FHIT: variants seen among roughly 807,000 people sequenced by gnomAD.
FHIT encodes bis(5'-adenosyl)-triphosphatase.
In FHIT, 19 loss-of-function variants were observed where a neutral mutation model predicts 17.9. The observed-to-expected ratio is 1.06, with a 90% CI of 0.74 to 1.56. FHIT has a LOEUF of 1.56. Among genes scored for constraint, FHIT ranks in the 40% most tolerant of loss-of-function variants. FHIT has a pLI of 0.00. For synonymous variants in FHIT, 81 were observed against 69.7 expected, an observed-to-expected ratio of 1.16 and a Z score of -0.81; for missense variants, 248 against 189.2, an observed-to-expected ratio of 1.31 and a Z score of -1.82.
chr3:60,248,389 T>G (rs547840162), intron 5 of FHIT, among the ~76,000 whole-genome samples: 1 of 152,200 alleles, frequency 6.6e-6, no homozygotes, highest in African/African-American at 2.4e-5. Context: ...GCTAGAGGAA[T>G]GCTAGCCTGC....
chr3:60,890,351 A>G (rs1319737167), intron 3 of FHIT, among the ~76,000 whole-genome samples: 15 of 152,150 alleles, frequency 9.9e-5, no homozygotes, highest in African/African-American at 3.6e-4. Flanking sequence ...CTTCCAGGGC[A>G]GCATAGCCGA....
intron 1 of FHIT, among the ~76,000 whole-genome samples, chr3:61,250,552 G>C (rs1431941276): frequency 6.6e-6 from 1 of 152,170 alleles, no homozygotes; most frequent in Non-Finnish European, 1.5e-5. Flanking sequence ...GATAAGCGCT[G>C]TGAGTGGCTG....
chr3:60,828,964 C>T (rs190338430), intron 3 of FHIT, among the ~76,000 whole-genome samples: 1 of 152,114 alleles, frequency 6.6e-6, no homozygotes, highest in East Asian at 1.9e-4. Flanking sequence ...AAACCTGAGA[C>T]CTGAAGGATG....
rs187824012 is a variant in FHIT at position 60,276,847 on chromosome 3, T to A, written c.103+260013A>T. 7.4e-3 allele frequency among the ~76,000 whole-genome samples: 1,132 copies of A among 152,146 alleles called. 10 individuals are homozygous for A. The highest frequency in any genetic ancestry group is 0.014 in the Middle Eastern group (4 of 294). Reference sequence around the variant, plus strand: ...GAGTAGAGGAAGTCCCAGCCTCTTTTAAACAGCCAGATCTCATGTGAACTC... The same window carrying A: ...GAGTAGAGGAAGTCCCAGCCTCTTTAAAACAGCCAGATCTCATGTGAACTC... On this transcript the variant is annotated intron_variant, in intron 5 of 9. Transcript: ENST00000492590.
chr3:59,938,848 C>A (rs543069096), intron 7 of FHIT, among the ~76,000 whole-genome samples: 6 of 152,254 alleles, frequency 3.9e-5, no homozygotes, highest in Admixed American at 1.3e-4. Context: ...TAGCTTAAGA[C>A]AGGATAAATG....
chr3:61,234,988 T>C (rs1335823707), intron 1 of FHIT, among the ~76,000 whole-genome samples: 1 of 152,244 alleles, frequency 6.6e-6, no homozygotes. Flanking sequence ...GAGAAAAATA[T>C]TGATGTTTCC....
At chr3:60,522,956 G>C (rs549193556) in intron 5 of FHIT, among the ~76,000 whole-genome samples, 1 of 152,232 alleles carries the variant, frequency 6.6e-6, no homozygotes, top group Non-Finnish European at 1.5e-5. Flanking sequence ...CACGTGGCTG[G>C]GGAGGCCTCA....
chr3:60,686,261 T>C (rs7642546), intron 4 of FHIT, among the ~76,000 whole-genome samples: 14,609 of 152,210 alleles, frequency 0.096, 1,382 homozygotes, highest in African/African-American at 0.25. Context: ...TCTTGGGTTT[T>C]CAGCAGTTTG....
intron 5 of FHIT, among the ~76,000 whole-genome samples, chr3:60,087,311 G>A (rs942302536): frequency 3.3e-5 from 5 of 152,110 alleles, no homozygotes; most frequent in Non-Finnish European, 7.4e-5. Context: ...AATGCCTTAA[G>A]GGCCTTTTTC....
intron 7 of FHIT, among the ~76,000 whole-genome samples, chr3:59,955,455 T>C (rs75345855): frequency 0.01 from 1,576 of 152,320 alleles, 28 homozygotes; most frequent in African/African-American, 0.035. Context: ...ACTTTTCTCA[T>C]TGAACCCATT....
At chr3:60,569,734 T>TATATATATATATACAC (rs1553654731) in intron 4 of FHIT, among the ~76,000 whole-genome samples, 15 of 44,080 alleles carry the variant, frequency 3.4e-4, no homozygotes, top group South Asian at 1.3e-3. Flanking sequence ...ACTATATATA[T>TATATATATATATACAC]ATATATATAT....
intron 8 of FHIT, among the ~76,000 whole-genome samples, chr3:59,878,607 AG>A (rs1403660664): frequency 6.6e-6 from 1 of 152,206 alleles, no homozygotes; most frequent in Non-Finnish European, 1.5e-5. Flanking sequence ...AGCTTTCAAA[AG>A]TGCTCTGAGT....
At chr3:61,243,873 A>C (rs555607470) in intron 1 of FHIT, 1 of 152,248 alleles carries the variant, frequency 6.6e-6, no homozygotes, top group Admixed American at 6.5e-5. Flanking sequence ...AAAGATAACT[A>C]GTGCAAAATT....
intron 3 of FHIT, among the ~76,000 whole-genome samples, chr3:60,959,026 T>C (rs781973683): frequency 1.3e-5 from 2 of 152,194 alleles, no homozygotes; most frequent in Non-Finnish European, 2.9e-5. Context: ...GAAAAGGATA[T>C]TAACATTAAC....
At chr3:60,636,570 G>A (rs540277620) in intron 4 of FHIT, among the ~76,000 whole-genome samples, 2 of 152,142 alleles carry the variant, frequency 1.3e-5, no homozygotes, top group Admixed American at 6.5e-5. Context: ...AAGATCAAGA[G>A]TGGCAAAATG....
At chr3:59,779,065 T>G (rs753539274) in intron 8 of FHIT, among the ~76,000 whole-genome samples, 1 of 152,224 alleles carries the variant, frequency 6.6e-6, no homozygotes, top group East Asian at 1.9e-4. Flanking sequence ...TTACTTGTAC[T>G]GATTTAAGTT....
intron 3 of FHIT, among the ~76,000 whole-genome samples, chr3:60,955,311 A>T (rs73100088): frequency 0.047 from 7,152 of 152,190 alleles, 212 homozygotes; most frequent in South Asian, 0.067. Flanking sequence ...CATGGAGAAG[A>T]CTACATACAG....
intron 3 of FHIT, among the ~76,000 whole-genome samples, chr3:61,018,126 T>C (rs2032215305): frequency 1.3e-5 from 2 of 152,328 alleles, no homozygotes; most frequent in Non-Finnish European, 2.9e-5. Context: ...TAAGTACTTC[T>C]ATCATCCTTA....
intron 3 of FHIT, among the ~76,000 whole-genome samples, chr3:60,979,237 T>G (rs1325812372): frequency 6.6e-6 from 1 of 152,272 alleles, no homozygotes; most frequent in African/African-American, 2.4e-5. Flanking sequence ...CTCCCTTTGC[T>G]CCCATAGTAA....
Sources: gnomAD v4.1 joint callset for allele counts (sites outside exome capture counted in the v4.1 genomes callset) on GRCh38, gnomAD v4.1.1 for gene constraint, MANE v1.5 for transcripts, NCBI Gene and HGNC (gene_info 2026-07-23, HGNC 2026-07-21) for gene names.